The following SCRG1 variants were observed in gnomAD, a reference collection of about 807,000 sequenced individuals.
SCRG1 encodes the protein scrapie-responsive protein 1.
In SCRG1, 3 loss-of-function variants were observed where a neutral mutation model predicts 7.7. The observed-to-expected ratio is 0.39, with a 90% CI of 0.18 to 1.01. SCRG1 has a LOEUF of 1.01. SCRG1 is among the 50% of genes least tolerant of loss of function. The pLI, the probability that SCRG1 is intolerant of heterozygous loss-of-function variation, is 0.36. For synonymous variants in SCRG1, 46 were observed against 41.2 expected (o/e 1.12, Z -0.44); for missense variants, 110 against 117.2 (o/e 0.94, Z 0.28).
chr4:173,403,326 T>C (rs972551224), upstream of SCRG1: 3 of 152,166 alleles, frequency 2.0e-5, no homozygotes, highest in Non-Finnish European at 1.5e-5. Flanking sequence ...TATGATGTAC[T>C]TGGGAATGGC....
chr4:173,483,256 G>C, the SCRG1 span, among the ~76,000 whole-genome samples: 32 of 35,628 alleles, frequency 9.0e-4, 1 homozygote, highest in Non-Finnish European at 1.7e-3. Context: ...TATCATATAT[G>C]ATATATCATA....
the SCRG1 span, among the ~76,000 whole-genome samples, chr4:173,424,935 A>T: frequency 1.3e-5 from 2 of 152,122 alleles, no homozygotes; most frequent in African/African-American, 4.8e-5. Flanking sequence ...AAACAAAACA[A>T]AATAAATGTG....
chr4:173,401,599 A>AT (rs2126922321), upstream of SCRG1, among the ~76,000 whole-genome samples: 1 of 152,240 alleles, frequency 6.6e-6, no homozygotes, highest in South Asian at 2.1e-4. Context: ...TAGTTGATTC[A>AT]TTTTTATATT....
At chr4:173,442,050 A>G in the SCRG1 span, among the ~76,000 whole-genome samples, 1 of 152,346 alleles carries the variant, frequency 6.6e-6, no homozygotes, top group South Asian at 2.1e-4. Flanking sequence ...TAGTTACTGA[A>G]TTGAATAAAA....
At chr4:173,440,273 G>A in the SCRG1 span, among the ~76,000 whole-genome samples, 1 of 152,110 alleles carries the variant, frequency 6.6e-6, no homozygotes, top group Admixed American at 6.5e-5. Flanking sequence ...GCTTTACAAA[G>A]TAGTAATAAA....
the SCRG1 span, among the ~76,000 whole-genome samples, chr4:173,417,015 CCACA>C: frequency 5.4e-5 from 8 of 147,442 alleles, no homozygotes; most frequent in African/African-American, 1.8e-4. Flanking sequence ...CACACACACC[CCACA>C]CACAATCACA....
chr4:173,417,057 C>G, the SCRG1 span, among the ~76,000 whole-genome samples: 7 of 150,662 alleles, frequency 4.6e-5, no homozygotes, highest in South Asian at 1.3e-3. Flanking sequence ...CACACAATCA[C>G]ATCTTCACAC....
chr4:173,460,863 G>A, the SCRG1 span, among the ~76,000 whole-genome samples: 1 of 152,186 alleles, frequency 6.6e-6, no homozygotes, highest in Non-Finnish European at 1.5e-5. Context: ...ACCAGGCTAG[G>A]CAGCATTCAC....
At chr4:173,419,462 T>C in the SCRG1 span, 9 of 910,548 alleles carry the variant, frequency 9.9e-6, no homozygotes, top group African/African-American at 1.5e-4. Context: ...GTTCTTTGTG[T>C]ATTGAGAGAA....
the SCRG1 span, chr4:173,419,891 T>C: frequency 2.1e-6 from 2 of 969,346 alleles, no homozygotes; most frequent in African/African-American, 3.2e-5. Flanking sequence ...CGCTGCAGCA[T>C]AATTTGTCAG....
chr4:173,510,868 A>G, the SCRG1 span, among the ~76,000 whole-genome samples: 1 of 152,216 alleles, frequency 6.6e-6, no homozygotes, highest in African/African-American at 2.4e-5. The surrounding 1 kb of genome is among the most constrained non-coding windows in gnomAD (Gnocchi z 5.7). Context: ...TTTTGGAAAC[A>G]CGATTCCCTC....
the SCRG1 span, among the ~76,000 whole-genome samples, chr4:173,477,481 C>T: frequency 1.1e-4 from 17 of 152,070 alleles, no homozygotes; most frequent in African/African-American, 4.1e-4. Context: ...AGCACACACC[C>T]TATGGAGAGC....
the SCRG1 span, among the ~76,000 whole-genome samples, chr4:173,455,992 C>T: frequency 1.1e-4 from 17 of 152,132 alleles, no homozygotes; most frequent in Non-Finnish European, 1.6e-4. Flanking sequence ...ATGGAAACCA[C>T]GAAAAACAGA....
the SCRG1 span, among the ~76,000 whole-genome samples, chr4:173,445,668 TA>T: frequency 1.5e-3 from 225 of 148,966 alleles, 1 homozygote; most frequent in African/African-American, 4.9e-3. Context: ...TCTTTAAGGA[TA>T]TTTTTTTTTT....
chr4:173,482,748 G>A, the SCRG1 span, among the ~76,000 whole-genome samples: 2 of 151,338 alleles, frequency 1.3e-5, no homozygotes, highest in Non-Finnish European at 1.5e-5. Context: ...AGCCCAGGAG[G>A]TCAAGGCTGC....
At chr4:173,459,024 G>T in the SCRG1 span, among the ~76,000 whole-genome samples, 1 of 152,294 alleles carries the variant, frequency 6.6e-6, no homozygotes, top group East Asian at 1.9e-4. Context: ...AAGTTACTAT[G>T]TAATGATAAA....
At chr4:173,447,358 G>C in the SCRG1 span, among the ~76,000 whole-genome samples, 2 of 152,156 alleles carry the variant, frequency 1.3e-5, no homozygotes, top group African/African-American at 4.8e-5. Flanking sequence ...ATCACACTGG[G>C]ATTAGGATTT....
chr4:173,497,662 A>AAC, the SCRG1 span, among the ~76,000 whole-genome samples: 1 of 134,754 alleles, frequency 7.4e-6, no homozygotes, highest in South Asian at 2.5e-4. Context: ...AAAAAAAAAA[A>AAC]AAAACTTACT....
the SCRG1 span, among the ~76,000 whole-genome samples, chr4:173,449,502 A>C: frequency 1.9e-4 from 28 of 149,132 alleles, no homozygotes; most frequent in Admixed American, 1.9e-3. Context: ...CTTGTCACAA[A>C]GTCATCGTGT....
Sources: allele counts gnomAD v4.1 joint callset (sites outside exome capture counted in the v4.1 genomes callset), GRCh38; gene constraint gnomAD v4.1.1; non-coding constraint Gnocchi (gnomAD v3.1); transcripts MANE v1.5; gene names NCBI Gene and HGNC (gene_info 2026-07-23, HGNC 2026-07-21).